The following ZNF600 variants were observed in gnomAD, a reference collection of about 807,000 sequenced individuals.
The protein encoded by ZNF600 is zinc finger protein 600, also known as zinc finger protein KR-ZNF1.
A neutral mutation model predicts 7.3 loss-of-function variants in ZNF600; 4 were observed. The observed-to-expected ratio is 0.55, with a 90% CI of 0.27 to 1.25. The LOEUF is 1.25. Ranked by LOEUF, ZNF600 falls within the 50% of genes most tolerant of loss-of-function variation. ZNF600 has a pLI of 0.12. For synonymous variants in ZNF600, 290 were observed against 308.9 expected (o/e 0.94, Z 0.64); for missense variants, 911 against 922.1 (o/e 0.99, Z 0.16).
chr19:52,798,475 G>T, the ZNF600 span: 1 of 479,210 alleles, frequency 2.1e-6, no homozygotes. Flanking sequence ...TGGTCTGCAA[G>T]GAGTGATCTC....
At chr19:52,781,752 C>T (rs1052386580) in intron 1 of ZNF600, among the ~76,000 whole-genome samples, 2 of 142,862 alleles carry the variant, frequency 1.4e-5, no homozygotes, top group Non-Finnish European at 3.0e-5. Context: ...GATAGGGTGA[C>T]ACTCTATCTT....
rs761142481 is a variant in ZNF600 at position 52,765,884 on chromosome 19, T to G, written c.2079A>C (p.Gln693His). The G allele has an allele frequency of 4.3e-5, 69 of 1,613,714 alleles. 1 individual carries two copies. The highest frequency in any genetic ancestry group is 2.6e-4 in the South Asian group (24 of 91,080). Reference sequence around the variant, plus strand: ...CATGAATTCTATGATGAAGTGAAAGTTGTGATTGTTGATTAAAAGCCTTCC... The same window carrying G: ...CATGAATTCTATGATGAAGTGAAAGGTGTGATTGTTGATTAAAAGCCTTCC... The change falls in exon 4 of 4, where the codon CAA becomes CAC. Residue 693 changes from glutamine (Q) to histidine (H), a missense_variant. Transcript: ENST00000648973.
At chr19:52,809,235 T>G in the ZNF600 span, among the ~76,000 whole-genome samples, 23 of 152,166 alleles carry the variant, frequency 1.5e-4, no homozygotes, top group Non-Finnish European at 2.5e-4. Flanking sequence ...TGGAGGAATG[T>G]TCAGATATCT....
chr19:52,803,427 C>A, the ZNF600 span, among the ~76,000 whole-genome samples: 2 of 152,164 alleles, frequency 1.3e-5, no homozygotes, highest in Non-Finnish European at 2.9e-5. Flanking sequence ...TTGCATACCA[C>A]ATACCGAAAA....
At chr19:52,777,875 C>T (rs992319943) in intron 2 of ZNF600, among the ~76,000 whole-genome samples, 7 of 152,022 alleles carry the variant, frequency 4.6e-5, no homozygotes, top group African/African-American at 7.2e-5. Flanking sequence ...TACATACATA[C>T]GGTGACCCAT....
At chr19:52,818,308 T>A in the ZNF600 span, among the ~76,000 whole-genome samples, 5 of 152,270 alleles carry the variant, frequency 3.3e-5, no homozygotes, top group East Asian at 9.7e-4. Flanking sequence ...GTGGTGCGCA[T>A]CTGTGTGTCT....
chr19:52,769,545 T>C (rs904355272), intron 3 of ZNF600, among the ~76,000 whole-genome samples: 3 of 152,172 alleles, frequency 2.0e-5, no homozygotes, highest in African/African-American at 7.2e-5. Context: ...CCTGCCCCTT[T>C]GTCTTGTATC....
the ZNF600 span, among the ~76,000 whole-genome samples, chr19:52,794,272 G>A: frequency 6.6e-6 from 1 of 152,100 alleles, no homozygotes; most frequent in Admixed American, 6.6e-5. Flanking sequence ...ATTTTTGGAG[G>A]ACAGGAATCC....
chr19:52,773,534 T>G (rs112626502), intron 3 of ZNF600, among the ~76,000 whole-genome samples: 11,139 of 151,818 alleles, frequency 0.073, 1,302 homozygotes, highest in African/African-American at 0.25. Context: ...GACCATGGGG[T>G]TGAAGAAGGA....
At chr19:52,787,460 G>A (rs1047150181), upstream of ZNF600, among the ~76,000 whole-genome samples, 8 of 140,212 alleles carry the variant, frequency 5.7e-5, no homozygotes, top group South Asian at 4.6e-4. Context: ...AGGCTGGAGT[G>A]CAGTGGCACG....
the ZNF600 span, chr19:52,800,104 A>C: frequency 6.2e-7 from 1 of 1,614,072 alleles, no homozygotes; most frequent in Non-Finnish European, 8.5e-7. Flanking sequence ...CAAACCTTAC[A>C]TTTGTACGGT....
the ZNF600 span, among the ~76,000 whole-genome samples, chr19:52,794,115 A>C: frequency 4.0e-5 from 6 of 151,882 alleles, no homozygotes; most frequent in African/African-American, 1.5e-4. Context: ...AGCTCAGTGG[A>C]GAGGCCTGCA....
the ZNF600 span, among the ~76,000 whole-genome samples, chr19:52,817,520 T>C: frequency 6.6e-6 from 1 of 152,086 alleles, no homozygotes; most frequent in Non-Finnish European, 1.5e-5. Flanking sequence ...GGAGAAAAGA[T>C]TTTCCCTTAT....
intron 1 of ZNF600, among the ~76,000 whole-genome samples, chr19:52,779,557 G>A (rs779525729): frequency 1.3e-5 from 2 of 152,266 alleles, no homozygotes; most frequent in East Asian, 3.9e-4. Context: ...AACAGGCAAC[G>A]TGGACCAGAG....
At chr19:52,797,409 CAGAA>C in the ZNF600 span, 4 of 152,188 alleles carry the variant, frequency 2.6e-5, no homozygotes, top group African/African-American at 7.2e-5. Flanking sequence ...TCATCCAAAT[CAGAA>C]AGAAAGAAGT....
chr19:52,792,157 T>A, the ZNF600 span, among the ~76,000 whole-genome samples: 1 of 152,144 alleles, frequency 6.6e-6, no homozygotes, highest in Non-Finnish European at 1.5e-5. Flanking sequence ...GGCTCTGCCC[T>A]CCCCTTGGGG....
At chr19:52,809,822 A>AGGCAGCGGCGGCGGG in the ZNF600 span, 2 of 512,558 alleles carry the variant, frequency 3.9e-6, no homozygotes, top group African/African-American at 4.1e-5. Flanking sequence ...TGAGCGGCGA[A>AGGCAGCGGCGGCGGG]GGCGGCGGCG....
the ZNF600 span, chr19:52,808,084 C>T: frequency 1.2e-6 from 2 of 1,613,480 alleles, no homozygotes; most frequent in East Asian, 2.2e-5. Flanking sequence ...CAGGCATTTC[C>T]ACTCCTCCTG....
At chr19:52,820,210 C>T in the ZNF600 span, among the ~76,000 whole-genome samples, 2 of 116,694 alleles carry the variant, frequency 1.7e-5, no homozygotes, top group East Asian at 4.7e-4. Flanking sequence ...CTCTGCTTCC[C>T]GGGTTCACGC....
Sources: allele counts gnomAD v4.1 joint callset (sites outside exome capture counted in the v4.1 genomes callset), GRCh38; gene constraint gnomAD v4.1.1; transcripts MANE v1.5; gene names NCBI Gene and HGNC (gene_info 2026-07-23, HGNC 2026-07-21).